The following SPNS2 variants were observed in gnomAD, a reference collection of about 807,000 sequenced individuals.
The protein encoded by SPNS2 is sphingosine-1-phosphate transporter SPNS2.
Under a neutral mutation model 57.6 loss-of-function variants are expected in SPNS2, and 37 were observed. The ratio of observed to expected loss-of-function variants is 0.64; its 90% CI spans 0.49 to 0.85. SPNS2 has a LOEUF of 0.85. SPNS2 is among the 40% of genes least tolerant of loss of function. The pLI, the probability that SPNS2 is intolerant of heterozygous loss-of-function variation, is 0.00. For synonymous variants in SPNS2, 440 were observed against 346.9 expected (o/e 1.27, Z -2.98); for missense variants, 831 against 779.1 (o/e 1.07, Z -0.79).
rs1555538184 is a variant in SPNS2, at chr17:4,536,432, T to TGA, written c.1607+7_1607+8insAG. On this transcript the variant is annotated splice_region_variant and intron_variant, in intron 11 of 12. Coordinates refer to ENST00000329078, the MANE Select transcript of SPNS2 (RefSeq NM_001124758.3). ...CGCGCCAGGGCTGAGCAGCAGTGAGTGGGGGGGAGGGGAGGCCCTGCTGCA... is the reference window on the plus strand; with the variant it reads ...CGCGCCAGGGCTGAGCAGCAGTGAGTGAGGGGGGGAGGGGAGGCCCTGCTGCA... The TGA allele has an allele frequency of 4.4e-6, 7 of 1,578,582 alleles. No homozygotes were observed. Among genetic ancestry groups the TGA allele is most frequent in the South Asian group, 1.1e-5 (1 of 90,220 alleles).
intron 5 of SPNS2, among the ~76,000 whole-genome samples, 182 bp from the exon 6 acceptor site, chr17:4,532,358 CCA>C (rs1199540577): frequency 1.3e-5 from 2 of 152,346 alleles, no homozygotes; most frequent in Non-Finnish European, 2.9e-5. Flanking sequence ...TCTCAAGCCT[CCA>C]GTCTCTTGAC....
chr17:4,528,896 C>T (rs886154326), intron 3 of SPNS2, among the ~76,000 whole-genome samples: 3 of 152,028 alleles, frequency 2.0e-5, no homozygotes, highest in African/African-American at 7.3e-5. Context: ...GTCTCAGTCT[C>T]CTAAGTAGCT....
intron 1 of SPNS2, among the ~76,000 whole-genome samples, chr17:4,508,692 G>A (rs1215582028): frequency 6.6e-6 from 1 of 152,240 alleles, no homozygotes; most frequent in African/African-American, 2.4e-5. Flanking sequence ...CGTACCCACT[G>A]GGCCAATACT....
chr17:4,531,074 C>G lies in SPNS2; in HGVS notation c.747C>G (p.Gly249=), dbSNP rs1905447061. Residue 249 remains glycine (G), a synonymous_variant, in exon 5 of 13, where the codon GGC becomes GGG. Transcript: ENST00000329078. The part of the protein sequence containing the change: ...PLGSGLGYIT[G]SSVKQAAGDW... ...GCAGTGGCCTGGGCTACATTACTGG[C>G]TCCAGCGTGAAGCAGGCAGCCGGAG... is the stretch of plus-strand genomic sequence containing the variant. 6.2e-7 allele frequency: 1 copy of G among 1,613,994 alleles called. No individual in the cohort carries two copies. The highest frequency in any genetic ancestry group is 1.3e-5 in the African/African-American group (1 of 74,896).
rs1372003873 is a variant in SPNS2, at chr17:4,511,767, C to T, written c.371-1480C>T. Among the ~76,000 whole-genome samples, 1 of 152,226 alleles carries T rather than the reference C, an allele frequency of 6.6e-6. No homozygotes were observed. Among genetic ancestry groups the T allele is most frequent in the Non-Finnish European group, 1.5e-5 (1 of 68,040 alleles). ...ATTAACAAGGAGGAAGACAGCTTCT[C>T]TGGCTGTCAGGCTGCTGGGACATCC... On this transcript the variant is annotated intron_variant, in intron 1 of 12. Transcript: ENST00000329078. This position sits in a 1 kb window ranked among gnomAD's most constrained non-coding sequence, Gnocchi z 4.6.
chr17:4,530,955 G>T, intron 4 of SPNS2, 98 bp from the exon 5 acceptor site: 1 of 1,501,656 alleles, frequency 6.7e-7, no homozygotes, highest in South Asian at 1.2e-5. Flanking sequence ...CCAGCTGGCT[G>T]GGTGGGGAGG....
Position 4,512,862 on chromosome 17 carries a change from C to T in SPNS2, c.371-385C>T, listed in dbSNP as rs9895176. 0.031 allele frequency among the ~76,000 whole-genome samples: 4,699 copies of T among 152,284 alleles called. 98 individuals carry two copies. Among genetic ancestry groups the T allele is most frequent in the Middle Eastern group, 0.051 (15 of 294 alleles). ...CGCAGCTTTCAGGGCCCCCGCTGCT[C>T]TCTGAGTCATGGGCTTTGTGTTCCC... On this transcript the variant is annotated intron_variant, in intron 1 of 12. Coordinates refer to ENST00000329078, the MANE Select transcript of SPNS2 (RefSeq NM_001124758.3). The surrounding 1 kb of genome is among the most constrained non-coding windows in gnomAD (Gnocchi z 5.2).
chr17:4,520,852 T>C (rs1033530323), intron 2 of SPNS2, among the ~76,000 whole-genome samples: 3 of 152,148 alleles, frequency 2.0e-5, no homozygotes, highest in African/African-American at 4.8e-5. Flanking sequence ...GAGAACAGAA[T>C]CAAAAGAGAT....
At chr17:4,533,981 A>G (rs1486777322) in intron 9 of SPNS2, 128 bp downstream of exon 9, 2 of 895,192 alleles carry the variant, frequency 2.2e-6, no homozygotes, top group Non-Finnish European at 3.5e-6. Context: ...AGGAACGTGA[A>G]CCCAGAGGCA....
At position 4,510,840 on chromosome 17, in the gene SPNS2, C is replaced by A. The variant is rs117889092; in HGVS notation, c.371-2407C>A. ...CCTGTGGGTTATGTGTGTGCTGGGC[C>A]CTGGAGGACACCAGCAAACCACGCA... is the stretch of plus-strand genomic sequence containing the variant. On this transcript the variant is annotated intron_variant, in intron 1 of 12. Transcript: ENST00000329078. The surrounding 1 kb of genome is among the most constrained non-coding windows in gnomAD (Gnocchi z 4.4). Among the ~76,000 whole-genome samples, 1 of 152,042 alleles carries A rather than the reference C, an allele frequency of 6.6e-6. No individual in the cohort carries two copies. The highest frequency in any genetic ancestry group is 2.1e-4 in the South Asian group (1 of 4,822).
chr17:4,513,935 C>T (rs1469041039), intron 2 of SPNS2, among the ~76,000 whole-genome samples: 3 of 152,242 alleles, frequency 2.0e-5, no homozygotes, highest in Non-Finnish European at 2.9e-5. Context: ...GCCTGAGCCC[C>T]CAGGCTGCTG....
chr17:4,526,727 G>A (rs1191590085), intron 3 of SPNS2, among the ~76,000 whole-genome samples: 2 of 152,202 alleles, frequency 1.3e-5, no homozygotes, highest in Non-Finnish European at 2.9e-5. Flanking sequence ...TTCTGTGGCA[G>A]TGCTGAGCTC....
Position 4,510,532 on chromosome 17 carries a change from A to G in SPNS2, c.371-2715A>G, listed in dbSNP as rs1904802891. On this transcript the variant is annotated intron_variant, in intron 1 of 12. Coordinates refer to ENST00000329078, the MANE Select transcript of SPNS2 (RefSeq NM_001124758.3). The surrounding 1 kb of genome is among the most constrained non-coding windows in gnomAD (Gnocchi z 4.4). ...AGCTGGATACTGCAGGGAGGAAGCG[A>G]GAGTGCTTTGATTTGCCGTGGACAC... 6.6e-6 allele frequency among the ~76,000 whole-genome samples: 1 copy of G among 152,164 alleles called. No homozygotes were observed. Among genetic ancestry groups the G allele is most frequent in the Non-Finnish European group, 1.5e-5 (1 of 68,038 alleles).
At chr17:4,537,015 G>A in intron 12 of SPNS2, 69 bp downstream of exon 12, 1 of 1,558,824 alleles carries the variant, frequency 6.4e-7, no homozygotes, top group Non-Finnish European at 8.8e-7. Flanking sequence ...AGGCAACAGG[G>A]AGCACTTTTC....
intron 3 of SPNS2, among the ~76,000 whole-genome samples, chr17:4,529,041 A>G (rs1332021721): frequency 6.7e-6 from 1 of 149,824 alleles, no homozygotes; most frequent in Non-Finnish European, 1.5e-5. Flanking sequence ...AGTTCAAGCA[A>G]CTCTCTGCCT....
In SPNS2 at chr17:4,538,754, TACTC is replaced by T. The variant is rs1341136122; in HGVS notation, c.*1309_*1312del. 1.9e-4 allele frequency: 134 copies of T among 716,960 alleles called. 1 individual carries two copies. In the East Asian group the frequency reaches 2.6e-3, roughly 14 times the overall value. 44.4% of individuals were successfully genotyped at this position (716,960 alleles called of 1,614,324 possible). The stretch of plus-strand genomic sequence containing the variant: ...TTCAGTGGTGTGTAAGCAGGTGGAA[TACTC>T]ACCCACCAAGCTCTGGGGTACCCCG... On this transcript the variant is annotated 3_prime_UTR_variant, in exon 13 of 13. Transcript: ENST00000329078.
At chr17:4,529,616 G>A (rs1470618191) in intron 3 of SPNS2, among the ~76,000 whole-genome samples, 2 of 152,168 alleles carry the variant, frequency 1.3e-5, no homozygotes, top group East Asian at 3.9e-4. Flanking sequence ...AGGTTGCAGT[G>A]AGTGAGATCG....
chr17:4,528,009 G>T (rs1295069262), intron 3 of SPNS2, among the ~76,000 whole-genome samples: 1 of 151,222 alleles, frequency 6.6e-6, no homozygotes, highest in Non-Finnish European at 1.5e-5. Context: ...CAGATTAATG[G>T]TGTGTATGTA....
Position 4,516,348 on chromosome 17 carries a change from AAAAC to A in SPNS2, c.436+3037_436+3040del, listed in dbSNP as rs1336858089. 2.9e-3 allele frequency among the ~76,000 whole-genome samples: 426 copies of A among 145,982 alleles called. 25 individuals carry two copies. The highest frequency in any genetic ancestry group is 3.1e-3 in the Admixed American group (45 of 14,404). On this transcript the variant is annotated intron_variant, in intron 2 of 12. Coordinates refer to ENST00000329078, the MANE Select transcript of SPNS2 (RefSeq NM_001124758.3). ...AAAAAAAAAAAAAAAAAAAAACAAA[AAAAC>A]CGCTCATAGGTTTTGCTGTTTTGGG...
Sources: allele counts gnomAD v4.1 joint callset (sites outside exome capture counted in the v4.1 genomes callset), GRCh38; gene constraint gnomAD v4.1.1; non-coding constraint Gnocchi (gnomAD v3.1); transcripts MANE v1.5; gene names NCBI Gene and HGNC (gene_info 2026-07-23, HGNC 2026-07-21).